Variants in CNTN5 observed in about 807,000 individuals in gnomAD.
The protein encoded by CNTN5 is contactin-5.
CNTN5 carries 77 observed loss-of-function variants against 129.1 expected under a neutral mutation model. That is an observed-to-expected ratio of 0.60 (90% CI 0.50 to 0.72). CNTN5 has a LOEUF of 0.72. CNTN5 is among the 30% of genes least tolerant of loss of function. The pLI is 0.00. For synonymous variants in CNTN5, 509 were observed against 465.6 expected (o/e 1.09, Z -1.20); for missense variants, 1,478 against 1,328.8 (o/e 1.11, Z -1.75).
intron 11 of CNTN5, among the ~76,000 whole-genome samples, chr11:100,070,923 A>C (rs1378152261): frequency 6.6e-6 from 1 of 152,020 alleles, no homozygotes; most frequent in Non-Finnish European, 1.5e-5. Flanking sequence ...ATTTGTAGCT[A>C]ACCTTTAGAT....
intron 6 of CNTN5, among the ~76,000 whole-genome samples, chr11:99,869,056 T>C (rs1227575250): frequency 6.6e-6 from 1 of 152,170 alleles, no homozygotes; most frequent in African/African-American, 2.4e-5. Flanking sequence ...CCCCACTTAT[T>C]ATATTTATCA....
rs77545971 is a variant in CNTN5 at position 99,572,899 on chromosome 11, G to A, written c.55+16630G>A. 3.9e-3 allele frequency among the ~76,000 whole-genome samples: 599 copies of A among 152,194 alleles called. 24 individuals carry two copies. In the East Asian group the frequency reaches 0.098, roughly 25 times the overall value. ...TTCAGATTACAGGAAAAAGAGAGGA[G>A]GGGTTAAAATATATTTGTGTTTGAT... On this transcript the variant is annotated intron_variant, in intron 3 of 24. Transcript: ENST00000524871.
At chr11:99,115,575 C>T (rs1173847198) in intron 1 of CNTN5, among the ~76,000 whole-genome samples, 1 of 152,212 alleles carries the variant, frequency 6.6e-6, no homozygotes, top group Non-Finnish European at 1.5e-5. Context: ...GCCTGGCCAA[C>T]ATGGCAAAAC....
intron 8 of CNTN5, among the ~76,000 whole-genome samples, chr11:99,969,466 A>T (rs1334048988): frequency 2.0e-5 from 3 of 152,054 alleles, no homozygotes; most frequent in Admixed American, 6.6e-5. Flanking sequence ...TTTAATATTC[A>T]GATTTCTTGA....
chr11:99,623,064 C>G (rs1591375836), intron 3 of CNTN5, among the ~76,000 whole-genome samples: 2 of 152,062 alleles, frequency 1.3e-5, no homozygotes, highest in South Asian at 4.1e-4. Context: ...GTACATTGTT[C>G]ATTTTTTTAA....
At chr11:99,197,650 T>C (rs925061497) in intron 1 of CNTN5, among the ~76,000 whole-genome samples, 2 of 152,064 alleles carry the variant, frequency 1.3e-5, no homozygotes, top group African/African-American at 4.8e-5. Flanking sequence ...AGCAAGAATG[T>C]CACCCTGACT....
At chr11:99,878,847 C>T (rs530238686) in intron 6 of CNTN5, among the ~76,000 whole-genome samples, 2 of 152,220 alleles carry the variant, frequency 1.3e-5, no homozygotes, top group South Asian at 2.1e-4. Flanking sequence ...GAGCGAGACT[C>T]CGTCTCAAAA....
chr11:99,707,809 G>A (rs894493393), intron 3 of CNTN5, among the ~76,000 whole-genome samples: 1 of 151,490 alleles, frequency 6.6e-6, no homozygotes, highest in Non-Finnish European at 1.5e-5. Context: ...AATCATACCT[G>A]AAATATGCTC....
intron 2 of CNTN5, among the ~76,000 whole-genome samples, chr11:99,514,313 C>T (rs1363008976): frequency 6.6e-6 from 1 of 151,996 alleles, no homozygotes; most frequent in Non-Finnish European, 1.5e-5. Context: ...ATGCTGTGAA[C>T]ATTGTGGAAA....
At chr11:99,336,969 C>G (rs185816550) in intron 2 of CNTN5, among the ~76,000 whole-genome samples, 25 of 152,054 alleles carry the variant, frequency 1.6e-4, no homozygotes, top group Admixed American at 1.6e-3. Flanking sequence ...TACAAATGAC[C>G]ATGTTCTAAA....
chr11:99,791,963 G>C (rs1186455961), intron 3 of CNTN5, among the ~76,000 whole-genome samples: 1 of 152,144 alleles, frequency 6.6e-6, no homozygotes, highest in Non-Finnish European at 1.5e-5. Flanking sequence ...TTTGTATCCT[G>C]AAACTTTGCT....
chr11:100,033,408 C>A (rs1041553926), intron 9 of CNTN5, among the ~76,000 whole-genome samples: 31 of 152,152 alleles, frequency 2.0e-4, no homozygotes, highest in African/African-American at 7.0e-4. Flanking sequence ...AGGTTTCTGG[C>A]CTTGACTTTT....
intron 6 of CNTN5, among the ~76,000 whole-genome samples, chr11:99,894,788 G>T (rs1949161351): frequency 6.6e-6 from 1 of 152,190 alleles, no homozygotes; most frequent in Non-Finnish European, 1.5e-5. Flanking sequence ...AAATTGGAGA[G>T]GATTTATATA....
intron 1 of CNTN5, among the ~76,000 whole-genome samples, chr11:99,272,474 C>T (rs1006703529): frequency 6.6e-6 from 1 of 151,736 alleles, no homozygotes; most frequent in African/African-American, 2.4e-5. Flanking sequence ...GCCTCAAACT[C>T]CTCGAACAAT....
intron 20 of CNTN5, 76 bp downstream of exon 20, chr11:100,299,472 A>G: frequency 2.4e-6 from 2 of 825,596 alleles, no homozygotes; most frequent in Non-Finnish European, 3.5e-6. Context: ...CTTTGTACAC[A>G]TATTAGAAAA....
chr11:99,572,925 G>A (rs1298018304), intron 3 of CNTN5, among the ~76,000 whole-genome samples: 3 of 152,074 alleles, frequency 2.0e-5, no homozygotes, highest in African/African-American at 7.2e-5. Flanking sequence ...TGTGTTTGAT[G>A]TTTTGAGCCA....
intron 1 of CNTN5, among the ~76,000 whole-genome samples, chr11:99,282,475 A>T (rs914338052): frequency 3.3e-5 from 5 of 152,046 alleles, no homozygotes; most frequent in Admixed American, 1.3e-4. Flanking sequence ...AGTAAAGGAA[A>T]TCTTGAGCAA....
chr11:100,115,114 G>GAAAAAAAA (rs1945796284), intron 13 of CNTN5, among the ~76,000 whole-genome samples: 1 of 22,440 alleles, frequency 4.5e-5, no homozygotes, highest in East Asian at 1.7e-3. Flanking sequence ...TAGGTATACA[G>GAAAAAAAA]TAAAAAAAAA....
intron 8 of CNTN5, among the ~76,000 whole-genome samples, chr11:99,999,223 A>T (rs1470044028): frequency 9.9e-5 from 15 of 152,230 alleles, no homozygotes; most frequent in South Asian, 6.2e-4. Flanking sequence ...ACAGGCAACC[A>T]ATAAAATGGG....
Sources: gnomAD v4.1 joint callset for allele counts (sites outside exome capture counted in the v4.1 genomes callset) on GRCh38, gnomAD v4.1.1 for gene constraint, MANE v1.5 for transcripts, NCBI Gene and HGNC (gene_info 2026-07-23, HGNC 2026-07-21) for gene names.